The following TLK1 variants were observed in gnomAD, a reference collection of about 807,000 sequenced individuals.
TLK1 encodes tousled like kinase 1.
Under a neutral mutation model 105.3 loss-of-function variants are expected in TLK1, and 24 were observed. That is an observed-to-expected ratio of 0.23 (90% CI 0.17 to 0.32). The LOEUF is 0.32. Ranked by LOEUF, TLK1 falls within the 10% of genes least tolerant of loss-of-function variation. TLK1 has a pLI of 1.00. For synonymous variants in TLK1, 321 were observed against 310.4 expected (o/e 1.03, Z -0.36); for missense variants, 558 against 910.5 (o/e 0.61, Z 4.98).
intron 6 of TLK1, 25 bp downstream of exon 6, chr2:171,056,446 A>C: frequency 1.9e-6 from 3 of 1,602,616 alleles, no homozygotes; most frequent in Non-Finnish European, 2.6e-6. Context: ...AAGACTACAC[A>C]TGAAAAACTT....
chr2:171,108,840 C>T (rs1230282506), intron 2 of TLK1, among the ~76,000 whole-genome samples: 1 of 152,152 alleles, frequency 6.6e-6, no homozygotes, highest in African/African-American at 2.4e-5. Flanking sequence ...AAGTGATCCA[C>T]CTGCCCCCGC....
intron 2 of TLK1, among the ~76,000 whole-genome samples, chr2:171,095,599 C>A (rs35047553): frequency 2.0e-5 from 3 of 151,786 alleles, no homozygotes; most frequent in Admixed American, 2.0e-4. Context: ...ACTAGCAAAC[C>A]AAATTCAACA....
intron 1 of TLK1, among the ~76,000 whole-genome samples, chr2:171,187,080 A>AG (rs1206763120): frequency 3.9e-5 from 5 of 127,990 alleles, no homozygotes; most frequent in African/African-American, 1.7e-4. Flanking sequence ...AAAAAAAAAA[A>AG]AAAGAAAAAG....
chr2:171,012,087 A>G (rs2105369533), intron 13 of TLK1, among the ~76,000 whole-genome samples: 1 of 151,836 alleles, frequency 6.6e-6, no homozygotes, highest in Non-Finnish European at 1.5e-5. Context: ...TTTTTTTTAG[A>G]ATATTGCCGA....
intron 11 of TLK1, among the ~76,000 whole-genome samples, chr2:171,044,240 T>TG (rs1686831433): frequency 6.6e-6 from 1 of 151,976 alleles, no homozygotes; most frequent in Non-Finnish European, 1.5e-5. Flanking sequence ...CTGGACAACA[T>TG]GGGGAGACTC....
chr2:171,089,828 C>T (rs1339766349), intron 2 of TLK1, among the ~76,000 whole-genome samples: 4 of 152,124 alleles, frequency 2.6e-5, no homozygotes, highest in African/African-American at 4.8e-5. Context: ...CACAAGCCAC[C>T]GTGCCTGGTT....
At chr2:171,214,914 C>G (rs1191002992) in intron 1 of TLK1, among the ~76,000 whole-genome samples, 5 of 152,082 alleles carry the variant, frequency 3.3e-5, no homozygotes, top group Admixed American at 6.6e-5. Flanking sequence ...AAGCCTGACT[C>G]CGCCTGCAAT....
chr2:171,097,689 C>T (rs2105499734), intron 2 of TLK1, among the ~76,000 whole-genome samples: 1 of 152,284 alleles, frequency 6.6e-6, no homozygotes, highest in East Asian at 1.9e-4. Context: ...CTTTGGGAGG[C>T]TGAGGCAGGC....
intron 1 of TLK1, among the ~76,000 whole-genome samples, chr2:171,172,706 G>C (rs1575645886): frequency 6.6e-6 from 1 of 152,114 alleles, no homozygotes; most frequent in Non-Finnish European, 1.5e-5. Flanking sequence ...CATGTAAGAT[G>C]TGCCTACTTC....
At position 170,993,597 on chromosome 2, in the gene TLK1, A is replaced by G; in HGVS notation, c.*183T>C. On this transcript the variant is annotated 3_prime_UTR_variant, in exon 21 of 21. Coordinates refer to ENST00000431350, the MANE Select transcript of TLK1 (RefSeq NM_012290.5). ...AGAAGTGTGCATTTATTCATTGTCCATGATCCTCTCTCATACAAATGACAC... is the reference window on the plus strand; with the variant it reads ...AGAAGTGTGCATTTATTCATTGTCCGTGATCCTCTCTCATACAAATGACAC... 2 of 479,972 alleles carry G rather than the reference A, an allele frequency of 4.2e-6. No individual in the cohort carries two copies. The highest frequency in any genetic ancestry group is 6.9e-6 in the Non-Finnish European group (2 of 290,580). 29.7% of individuals were successfully genotyped at this position (479,972 alleles called of 1,614,324 possible).
At chr2:171,147,852 T>G (rs182908888) in intron 1 of TLK1, among the ~76,000 whole-genome samples, 3 of 152,312 alleles carry the variant, frequency 2.0e-5, no homozygotes, top group African/African-American at 7.2e-5. Flanking sequence ...AGCACTAGAT[T>G]TGGATTAGCA....
At chr2:171,133,204 G>A (rs1691172659) in intron 1 of TLK1, among the ~76,000 whole-genome samples, 1 of 152,148 alleles carries the variant, frequency 6.6e-6, no homozygotes, top group African/African-American at 2.4e-5. Context: ...GGAAACATGG[G>A]GACATGTTAG....
chr2:171,084,356 A>G (rs1688877543), intron 2 of TLK1, among the ~76,000 whole-genome samples: 1 of 152,208 alleles, frequency 6.6e-6, no homozygotes, highest in African/African-American at 2.4e-5. Context: ...TTTACATAAC[A>G]GGGTGGTACA....
intron 20 of TLK1, 131 bp from the exon 21 acceptor site, chr2:170,994,087 TAAAAAAA>T: frequency 1.1e-6 from 1 of 940,440 alleles, no homozygotes. Flanking sequence ...GTTCAAACCT[TAAAAAAA>T]AAATTCTGTA....
At chr2:171,094,057 C>T (rs760060960) in intron 2 of TLK1, among the ~76,000 whole-genome samples, 24 of 152,094 alleles carry the variant, frequency 1.6e-4, no homozygotes, top group Non-Finnish European at 2.8e-4. Context: ...AGGGAGAGCC[C>T]TAGTCAAACA....
chr2:171,225,261 T>C (rs199692324), intron 1 of TLK1, among the ~76,000 whole-genome samples: 2 of 152,250 alleles, frequency 1.3e-5, no homozygotes, highest in East Asian at 3.9e-4. Context: ...GTATGCAGAA[T>C]ATATAATAAC....
intron 1 of TLK1, among the ~76,000 whole-genome samples, chr2:171,215,417 C>T (rs1039572355): frequency 3.4e-5 from 5 of 147,384 alleles, no homozygotes; most frequent in East Asian, 1.9e-4. Flanking sequence ...TTTTCCTCAG[C>T]GATCTGAGGG....
At chr2:171,222,176 T>G in intron 1 of TLK1, among the ~76,000 whole-genome samples, 1 of 152,202 alleles carries the variant, frequency 6.6e-6, no homozygotes, top group East Asian at 1.9e-4. Context: ...GTAGACTCCC[T>G]TATCCTGGGT....
intron 18 of TLK1, among the ~76,000 whole-genome samples, chr2:171,002,870 C>CA (rs1684449643): frequency 6.6e-6 from 1 of 151,852 alleles, no homozygotes; most frequent in Admixed American, 6.6e-5. Context: ...CTCTCAGGCT[C>CA]AAGTGATCTG....
Sources: gnomAD v4.1 joint callset for allele counts (sites outside exome capture counted in the v4.1 genomes callset) on GRCh38, gnomAD v4.1.1 for gene constraint, MANE v1.5 for transcripts, NCBI Gene and HGNC (gene_info 2026-07-23, HGNC 2026-07-21) for gene names.